The following NCSTN variants were observed in gnomAD, a reference collection of about 807,000 sequenced individuals.
The protein encoded by NCSTN is anterior pharynx-defective 2.
Under a neutral mutation model 87.0 loss-of-function variants are expected in NCSTN, and 22 were observed. The ratio of observed to expected loss-of-function variants is 0.25; its 90% CI spans 0.18 to 0.36. The LOEUF (loss-of-function observed/expected upper bound fraction) is 0.36. NCSTN is among the 10% of genes least tolerant of loss of function. The probability of loss-of-function intolerance (pLI) is 1.00; values close to 1 mark genes in which losing one functional copy is unlikely to be tolerated. For missense variants in NCSTN, 693 were observed against 883.3 expected (o/e 0.78, Z 2.73); for synonymous variants, 306 against 327.1 (o/e 0.94, Z 0.69).
rs571921759 is a variant in NCSTN at position 160,349,299 on chromosome 1, C to T, written c.314+177C>T. ...AAAAGAAATGATCTTGAGCTTAGGGCTAAATTTCACCTACCTGTCCCTGAG... is the reference window on the plus strand; with the variant it reads ...AAAAGAAATGATCTTGAGCTTAGGGTTAAATTTCACCTACCTGTCCCTGAG... On this transcript the variant is annotated intron_variant, in intron 3 of 16. Transcript: ENST00000294785. 3.4e-4 allele frequency among the ~76,000 whole-genome samples: 52 copies of T among 152,272 alleles called. 1 individual carries two copies. In the Middle Eastern group the frequency reaches 0.017, roughly 50 times the overall value.
At chr1:160,350,421 C>T (rs1172594198) in intron 5 of NCSTN, among the ~76,000 whole-genome samples, 171 bp downstream of exon 5, 1 of 147,202 alleles carries the variant, frequency 6.8e-6, no homozygotes, top group African/African-American at 2.5e-5. Flanking sequence ...CATTGCACTC[C>T]AGCCTGGGTG....
intron 8 of NCSTN, among the ~76,000 whole-genome samples, chr1:160,352,656 G>T (rs1169664704): frequency 6.6e-6 from 1 of 152,166 alleles, no homozygotes; most frequent in Non-Finnish European, 1.5e-5. Flanking sequence ...CTTTACTAAG[G>T]CTACTTTCCC....
intron 5 of NCSTN, among the ~76,000 whole-genome samples, 182 bp from the exon 6 acceptor site, chr1:160,351,039 GT>G (rs1452315014): frequency 6.6e-6 from 1 of 152,114 alleles, no homozygotes; most frequent in African/African-American, 2.4e-5. Context: ...CTCTTGATGA[GT>G]TTTTTTCTTT....
intron 3 of NCSTN, 45 bp downstream of exon 3, chr1:160,349,167 A>C: frequency 6.2e-7 from 1 of 1,611,444 alleles, no homozygotes; most frequent in South Asian, 1.1e-5. Context: ...ATAGAGGGAA[A>C]GTTTCAGTGA....
At chr1:160,356,017 C>G in intron 13 of NCSTN, 59 bp downstream of exon 13, 1 of 1,475,822 alleles carries the variant, frequency 6.8e-7, no homozygotes, top group Non-Finnish European at 9.5e-7. Flanking sequence ...TCCCTATCCT[C>G]CCTTGCCCTA....
intron 11 of NCSTN, 119 bp from the exon 12 acceptor site, chr1:160,355,536 C>T (rs1649082425): frequency 2.6e-6 from 2 of 781,000 alleles, no homozygotes. Context: ...TTGTCTCTCA[C>T]CCCTTTCTTC....
chr1:160,356,864 G>A (rs1649157029), intron 15 of NCSTN, 110 bp downstream of exon 15: 1 of 1,471,598 alleles, frequency 6.8e-7, no homozygotes, highest in African/African-American at 1.4e-5. Context: ...GAGGTGGAGA[G>A]ATGCAGTCCT....
chr1:160,352,924 A>G lies in NCSTN; in HGVS notation c.1034A>G (p.Tyr345Cys). 1 of 1,614,176 alleles carries G rather than the reference A, an allele frequency of 6.2e-7. No homozygotes were observed. Among genetic ancestry groups the G allele is most frequent in the Non-Finnish European group, 8.5e-7 (1 of 1,180,042 alleles). The change falls in exon 9 of 17, where the codon TAC (tyrosine) becomes TGC (cysteine). Residue 345 changes from tyrosine to cysteine, a missense_variant. Physicochemically the swap from Tyr to Cys is radical, Grantham distance 194. Around this residue, in one of 4 missense-constraint regions of NCSTN, gnomAD observed 134 missense variants for 226.0 expected, o/e 0.59. Transcript: ENST00000294785. Reference sequence around the variant, plus strand: ...TACATTGGCAGCTCGAGGATGGTCTACGATATGGAGAAGGGCAAGTTTCCC... The same window carrying G: ...TACATTGGCAGCTCGAGGATGGTCTGCGATATGGAGAAGGGCAAGTTTCCC... The part of the protein sequence containing the change: ...FDYIGSSRMV[Y>C]DMEKGKFPVQ...
In NCSTN at chr1:160,356,688, C is replaced by T. The variant is rs199685825; in HGVS notation, c.1728C>T (p.Gly576=). 7.4e-6 allele frequency: 12 copies of T among 1,614,112 alleles called. No individual in the cohort carries two copies. The Admixed American group carries it at 1.7e-4, about 22-fold the overall frequency. Residue 576 remains glycine, a synonymous_variant, in exon 15 of 17, where the codon GGC becomes GGT. Coordinates refer to ENST00000294785, the MANE Select transcript of NCSTN (RefSeq NM_015331.3). The part of the protein sequence containing the change: ...VVQYALANLT[G]TVVNLTREQC... ...AGTATGCCTTGGCAAATTTGACTGG[C>T]ACAGTGGTCAACCTCACCCGAGAGC...
In NCSTN at chr1:160,358,293, C is replaced by A. The variant is rs1297012698; in HGVS notation, c.*22C>A. 7 of 1,613,770 alleles carry A rather than the reference C, an allele frequency of 4.3e-6. No individual in the cohort carries two copies. Among genetic ancestry groups the A allele is most frequent in the Non-Finnish European group, 5.1e-6 (6 of 1,179,996 alleles). On this transcript the variant is annotated 3_prime_UTR_variant, in exon 17 of 17. Transcript: ENST00000294785. ...CTGAGGAGGACCCCAGCTTTTCTTGCCAGCTCAGCAGTTCACTTCCTAGAG... is the reference window on the plus strand; with the variant it reads ...CTGAGGAGGACCCCAGCTTTTCTTGACAGCTCAGCAGTTCACTTCCTAGAG...
intron 15 of NCSTN, 91 bp from the exon 16 acceptor site, chr1:160,356,950 A>G (rs1557889710): frequency 7.8e-6 from 11 of 1,415,512 alleles, no homozygotes; most frequent in Middle Eastern, 2.4e-4. Context: ...AGTTAGCTCA[A>G]TTGGTTAGAG....
chr1:160,355,811 C>T, intron 12 of NCSTN, 52 bp from the exon 13 acceptor site: 2 of 1,601,954 alleles, frequency 1.2e-6, no homozygotes, highest in Non-Finnish European at 8.6e-7. Context: ...AAGATGCTAG[C>T]ATTTGAGGAT....
intron 16 of NCSTN, 82 bp downstream of exon 16, chr1:160,357,335 C>G: frequency 7.4e-7 from 1 of 1,352,196 alleles, no homozygotes. Context: ...CCCTTTCCAT[C>G]TCCCATTTGC....
intron 2 of NCSTN, among the ~76,000 whole-genome samples, chr1:160,348,436 ATC>A (rs1553209700): frequency 6.6e-6 from 1 of 152,242 alleles, no homozygotes; most frequent in Non-Finnish European, 1.5e-5. Context: ...ATGAGAGCAC[ATC>A]TCTGATCCAT....
Position 160,349,121 on chromosome 1 carries a change from A to G in NCSTN, c.313A>G (p.Arg105Gly), listed in dbSNP as rs531414824. The change falls in exon 3 of 17, where the codon AGG (arginine) becomes GGG (glycine). Residue 105 changes from arginine (R) to glycine (G), a missense_variant and splice_region_variant. By Grantham distance (125) the Arg-to-Gly change is moderately radical. Coordinates refer to ENST00000294785, the MANE Select transcript of NCSTN (RefSeq NM_015331.3). ...TCTGCTGGAGAGCAAGCATTTTACC[A>G]GGTAAGAACTAGATGTATCTGCTGG... ...MVLLESKHFT[R>G]DLMEKLKGRT... 1.9e-6 allele frequency: 3 copies of G among 1,614,158 alleles called. No individual in the cohort carries two copies. Among genetic ancestry groups the G allele is most frequent in the Admixed American group, 1.7e-5 (1 of 60,014 alleles).
rs193065605 is a variant in NCSTN at position 160,353,694 on chromosome 1, A to G, written c.1180-424A>G. ...TTTTCCAGGTGGTCCTCTTTCTGCA[A>G]TTCCAGCCTTCAGCATCATCCCTGC... On this transcript the variant is annotated intron_variant, in intron 10 of 16. Coordinates refer to ENST00000294785, the MANE Select transcript of NCSTN (RefSeq NM_015331.3). 20 of 985,266 alleles carry G rather than the reference A, an allele frequency of 2.0e-5. No homozygotes were observed. In the East Asian group the frequency reaches 1.6e-3, roughly 78 times the overall value. The allele number at this position is 985,266 out of a possible 1,614,324, so 61.0% of individuals were successfully genotyped here. A position where few individuals can be genotyped will look rare whatever the true frequency, so the allele number is the denominator to read the frequency against.
At chr1:160,356,118 C>T in intron 13 of NCSTN, 142 bp from the exon 14 acceptor site, 1 of 1,013,760 alleles carries the variant, frequency 9.9e-7, no homozygotes, top group East Asian at 2.6e-5. Context: ...TCATCTGCAT[C>T]TTATGAGCCA....
At chr1:160,356,501 T>C in intron 14 of NCSTN, 99 bp from the exon 15 acceptor site, 1 of 1,512,682 alleles carries the variant, frequency 6.6e-7, no homozygotes, top group Non-Finnish European at 9.2e-7. Context: ...TGGATCCTTT[T>C]CCATTGCCCT....
At chr1:160,348,402 G>A (rs957076783) in intron 2 of NCSTN, among the ~76,000 whole-genome samples, 2 of 152,162 alleles carry the variant, frequency 1.3e-5, no homozygotes, top group Admixed American at 6.5e-5. Flanking sequence ...GGAAACCCTA[G>A]GTTTCCTGGA....
Sources: gnomAD v4.1 joint callset for allele counts (sites outside exome capture counted in the v4.1 genomes callset) on GRCh38, gnomAD v4.1.1 for gene constraint, gnomAD v4.1.1 regional missense constraint, MANE v1.5 for transcripts, NCBI Gene and HGNC (gene_info 2026-07-23, HGNC 2026-07-21) for gene names.